The following TENT4A variants were observed in gnomAD, a reference collection of about 807,000 sequenced individuals.
The protein encoded by TENT4A is terminal nucleotidyltransferase 4A, also known as DNA polymerase kappa.
In TENT4A, 7 loss-of-function variants were observed where a neutral mutation model predicts 72.8. That is an observed-to-expected ratio of 0.10 (90% CI 0.05 to 0.18). The LOEUF (loss-of-function observed/expected upper bound fraction) is 0.18. Among genes scored for constraint, TENT4A ranks in the 10% least tolerant of loss-of-function variants. The pLI, the probability that TENT4A is intolerant of heterozygous loss-of-function variation, is 1.00. For missense variants in TENT4A, 831 were observed against 1,017.7 expected, an observed-to-expected ratio of 0.82 and a Z score of 2.50; for synonymous variants, 456 against 434.3, an observed-to-expected ratio of 1.05 and a Z score of -0.62.
At chr5:6,727,130 A>T (rs1022432406) in intron 1 of TENT4A, among the ~76,000 whole-genome samples, 1 of 152,100 alleles carries the variant, frequency 6.6e-6, no homozygotes, top group Non-Finnish European at 1.5e-5. Context: ...GGAGCAGGGC[A>T]TCCTGGGCTT....
At position 6,724,934 on chromosome 5, in the gene TENT4A, C is replaced by T. The variant is rs577971841; in HGVS notation, c.716+10235C>T. 2.8e-4 allele frequency among the ~76,000 whole-genome samples: 43 copies of T among 152,334 alleles called. 1 individual carries two copies. The highest frequency in any genetic ancestry group is 2.6e-3 in the Admixed American group (40 of 15,290). On this transcript the variant is annotated intron_variant, in intron 1 of 12. Coordinates refer to ENST00000230859, the MANE Select transcript of TENT4A (RefSeq NM_006999.6). The stretch of plus-strand genomic sequence containing the variant: ...ACACAGCTGGTAGGTGTAAAGCAGG[C>T]ATTGGAGTCCAGGTAGTCTCACTCC...
At chr5:6,732,100 A>G (rs274696) in intron 1 of TENT4A, among the ~76,000 whole-genome samples, 3 of 152,110 alleles carry the variant, frequency 2.0e-5, no homozygotes, top group South Asian at 4.1e-4. Context: ...AGAAATTGTG[A>G]CTTTTGGGGA....
chr5:6,750,667 C>A, intron 10 of TENT4A, 164 bp downstream of exon 10: 1 of 615,156 alleles, frequency 1.6e-6, no homozygotes. Flanking sequence ...GGGCACCAGG[C>A]TTCCTTTCCC....
intron 1 of TENT4A, among the ~76,000 whole-genome samples, chr5:6,727,867 G>A (rs994777900): frequency 6.6e-6 from 1 of 152,226 alleles, no homozygotes; most frequent in Non-Finnish European, 1.5e-5. Flanking sequence ...GCCAGGGTAT[G>A]CTGTGCAGAG....
At chr5:6,750,745 G>T (rs1307517388) in intron 10 of TENT4A, 1 of 548,274 alleles carries the variant, frequency 1.8e-6, no homozygotes, top group Non-Finnish European at 3.2e-6. Context: ...TCCTCTAAAT[G>T]GTTGAACTAC....
At chr5:6,729,781 G>A (rs1741114101) in intron 1 of TENT4A, among the ~76,000 whole-genome samples, 1 of 152,146 alleles carries the variant, frequency 6.6e-6, no homozygotes, top group African/African-American at 2.4e-5. Context: ...TTGTGTGTGT[G>A]TGCTGAGCTG....
intron 4 of TENT4A, among the ~76,000 whole-genome samples, chr5:6,740,591 CAT>C (rs28363359): frequency 0.36 from 54,906 of 151,922 alleles, 9,962 homozygotes; most frequent in South Asian, 0.45. Context: ...GGGGCATTCA[CAT>C]GTTTCTCATT....
intron 1 of TENT4A, among the ~76,000 whole-genome samples, chr5:6,716,951 C>T (rs115462689): frequency 0.015 from 2,216 of 152,336 alleles, 53 homozygotes; most frequent in African/African-American, 0.05. Context: ...CCCAAAGGGG[C>T]CTGTGAGGAC....
chr5:6,728,257 G>A (rs1258837023), intron 1 of TENT4A, among the ~76,000 whole-genome samples: 1 of 152,170 alleles, frequency 6.6e-6, no homozygotes, highest in African/African-American at 2.4e-5. Context: ...GGTCACAGCA[G>A]GAAGATGGTG....
chr5:6,751,018 G>GT (rs755623811), intron 10 of TENT4A, 21 bp from the exon 11 acceptor site: 25 of 1,603,118 alleles, frequency 1.6e-5, no homozygotes, highest in Middle Eastern at 3.3e-4. Context: ...TGTCCTTTTT[G>GT]TTTTTTGTAC....
At chr5:6,723,492 T>G (rs566004920) in intron 1 of TENT4A, among the ~76,000 whole-genome samples, 1 of 152,314 alleles carries the variant, frequency 6.6e-6, no homozygotes, top group African/African-American at 2.4e-5. Flanking sequence ...TACTCCTGTT[T>G]TGTAGACAGA....
chr5:6,743,322 C>T (rs1741919380), intron 5 of TENT4A, among the ~76,000 whole-genome samples: 1 of 152,190 alleles, frequency 6.6e-6, no homozygotes, highest in African/African-American at 2.4e-5. Flanking sequence ...CCATCTCCTG[C>T]CGCTCTGCCT....
chr5:6,714,184 G>C lies in TENT4A; in HGVS notation c.201G>C (p.Ala67=), dbSNP rs1329007442. 1.0e-6 allele frequency: 1 copy of C among 961,414 alleles called. No individual in the cohort carries two copies. Among genetic ancestry groups the C allele is most frequent in the African/African-American group, 1.8e-5 (1 of 54,290 alleles). The allele number at this position is 961,414 out of a possible 1,614,324, so 59.6% of individuals were successfully genotyped here. ...AGRGSGGLGP[A]LPAASPPPPG... ...GGGGCAGTGGCGGCCTGGGCCCCGC[G>C]CTGCCCGCCGCGTCGCCCCCGCCGC... is the stretch of plus-strand genomic sequence containing the variant. The change falls in exon 1 of 13, where the codon GCG becomes GCC. Residue 67 remains alanine, a synonymous_variant. Transcript: ENST00000230859.
rs28381417 is a variant in TENT4A at position 6,751,019 on chromosome 5, T to C, written c.1861-20T>C. The C allele has an allele frequency of 1.2e-6, 2 of 1,612,706 alleles. No homozygotes were observed. The highest frequency in any genetic ancestry group is 2.7e-5 in the African/African-American group (2 of 74,884). The stretch of plus-strand genomic sequence containing the variant: ...CTTTGTGGTACAGCTGTCCTTTTTG[T>C]TTTTTGTACCGGGTTCAAGGATTCA... On this transcript the variant is annotated intron_variant, in intron 10 of 12. Coordinates refer to ENST00000230859, the MANE Select transcript of TENT4A (RefSeq NM_006999.6).
intron 1 of TENT4A, among the ~76,000 whole-genome samples, chr5:6,717,370 A>AGGAT (rs1740440335): frequency 1.3e-5 from 2 of 152,330 alleles, no homozygotes; most frequent in Admixed American, 1.3e-4. Flanking sequence ...TCCTCATGGG[A>AGGAT]GGATGAGCCT....
intron 10 of TENT4A, 66 bp downstream of exon 10, chr5:6,750,569 C>A: frequency 1.4e-6 from 2 of 1,400,698 alleles, no homozygotes; most frequent in Non-Finnish European, 1.9e-6. Context: ...TGTCCATAGC[C>A]GCGAGCTTAA....
intron 7 of TENT4A, 93 bp from the exon 8 acceptor site, chr5:6,748,371 G>A (rs1742218697): frequency 6.6e-7 from 1 of 1,516,436 alleles, no homozygotes; most frequent in Non-Finnish European, 9.1e-7. Flanking sequence ...CAGTGGTGAG[G>A]GCCTGCTTCA....
At chr5:6,717,718 C>G (rs1294971118) in intron 1 of TENT4A, among the ~76,000 whole-genome samples, 1 of 152,194 alleles carries the variant, frequency 6.6e-6, no homozygotes, top group Non-Finnish European at 1.5e-5. Flanking sequence ...GGCTTCTGAC[C>G]TAGAGATGTT....
At chr5:6,722,035 C>T (rs1447909758) in intron 1 of TENT4A, among the ~76,000 whole-genome samples, 3 of 152,216 alleles carry the variant, frequency 2.0e-5, no homozygotes, top group Admixed American at 2.0e-4. Context: ...GTTTCTGCAT[C>T]AGACCTGCTC....
Sources: gnomAD v4.1 joint callset for allele counts (sites outside exome capture counted in the v4.1 genomes callset) on GRCh38, gnomAD v4.1.1 for gene constraint, MANE v1.5 for transcripts, NCBI Gene and HGNC (gene_info 2026-07-23, HGNC 2026-07-21) for gene names.